Variants in FAM120B observed in about 807,000 individuals in gnomAD.
FAM120B encodes the protein constitutive coactivator of peroxisome proliferator-activated receptor gamma.
Under a neutral mutation model 96.3 loss-of-function variants are expected in FAM120B, and 83 were observed. The observed-to-expected ratio is 0.86, with a 90% CI of 0.72 to 1.03. The LOEUF (loss-of-function observed/expected upper bound fraction) is 1.03, where lower values mean the gene tolerates loss of function less well. Ranked by LOEUF, FAM120B falls within the 50% of genes least tolerant of loss-of-function variation. The pLI is 0.00. For missense variants in FAM120B, 1,027 were observed against 1,121.2 expected (o/e 0.92, Z 1.20); for synonymous variants, 407 against 402.7 (o/e 1.01, Z -0.13).
chr6:170,328,392 T>G (rs1785748061), intron 3 of FAM120B, among the ~76,000 whole-genome samples: 1 of 152,232 alleles, frequency 6.6e-6, no homozygotes, highest in Non-Finnish European at 1.5e-5. Flanking sequence ...AAATCATGGT[T>G]TATGCAGTAC....
At chr6:170,362,942 C>T (rs1303216678) in intron 6 of FAM120B, among the ~76,000 whole-genome samples, 1 of 152,086 alleles carries the variant, frequency 6.6e-6, no homozygotes, top group Non-Finnish European at 1.5e-5. Context: ...GCCTCAGCCT[C>T]CCAAAGTTCT....
At chr6:170,390,295 G>C (rs1790414825) in intron 7 of FAM120B, among the ~76,000 whole-genome samples, 1 of 152,162 alleles carries the variant, frequency 6.6e-6, no homozygotes, top group South Asian at 2.1e-4. Context: ...ATTTTATAGA[G>C]AGCAAAAGCA....
intron 6 of FAM120B, among the ~76,000 whole-genome samples, chr6:170,369,382 C>T (rs980981757): frequency 3.3e-5 from 5 of 152,152 alleles, no homozygotes; most frequent in African/African-American, 9.7e-5. Flanking sequence ...CAGCAGGGCC[C>T]CACTTTCACT....
chr6:170,315,485 T>C (rs1291266303), intron 1 of FAM120B, among the ~76,000 whole-genome samples: 1 of 152,176 alleles, frequency 6.6e-6, no homozygotes, highest in African/African-American at 2.4e-5. Context: ...ACCTTACAGT[T>C]GACGTAATCA....
chr6:170,318,218 C>T lies in FAM120B; in HGVS notation c.828C>T (p.Tyr276=). 1.9e-6 allele frequency: 3 copies of T among 1,613,796 alleles called. No individual in the cohort carries two copies. Among genetic ancestry groups the T allele is most frequent in the Non-Finnish European group, 2.5e-6 (3 of 1,179,940 alleles). Residue 276 remains tyrosine, a synonymous_variant, in exon 2 of 11, where the codon TAC becomes TAT. Transcript: ENST00000476287. ...AVSDHISKVL[Y]LYQGEKKLEE... ...CAGACCATATATCGAAAGTTCTTTACTTGTATCAAGGTGAGAAAAAATTAG... is the reference window on the plus strand; with the variant it reads ...CAGACCATATATCGAAAGTTCTTTATTTGTATCAAGGTGAGAAAAAATTAG...
chr6:170,301,206 T>A (rs191007127), intron 1 of FAM120B, among the ~76,000 whole-genome samples: 1 of 152,228 alleles, frequency 6.6e-6, no homozygotes, highest in Non-Finnish European at 1.5e-5. Context: ...TCTGTTCTTG[T>A]CTTTGGCGCA....
rs572820377 is a variant in FAM120B at position 170,388,265 on chromosome 6, G to C, written c.2284-22G>C. The C allele has an allele frequency of 1.9e-6, 3 of 1,609,262 alleles. No individual in the cohort carries two copies. The South Asian group carries it at 3.3e-5, about 18-fold the overall frequency. ...GTGTGACTCCTGTCTTACATTTTTG[G>C]TGTGTGTTCTGGTCTCCACAGCCTG... On this transcript the variant is annotated intron_variant, in intron 6 of 10. Coordinates refer to ENST00000476287, the MANE Select transcript of FAM120B (RefSeq NM_032448.3).
At chr6:170,325,137 T>A (rs910194469) in intron 3 of FAM120B, among the ~76,000 whole-genome samples, 3 of 152,234 alleles carry the variant, frequency 2.0e-5, no homozygotes, top group African/African-American at 7.2e-5. Context: ...CTGTTGTGAT[T>A]CTTAATGAAT....
chr6:170,345,511 C>T (rs1326928133), intron 4 of FAM120B, among the ~76,000 whole-genome samples: 3 of 152,244 alleles, frequency 2.0e-5, no homozygotes, highest in Non-Finnish European at 2.9e-5. Flanking sequence ...CTCCTGCAAG[C>T]TCTTCCAAGG....
chr6:170,300,218 C>G (rs112680179), intron 1 of FAM120B, among the ~76,000 whole-genome samples: 14 of 152,256 alleles, frequency 9.2e-5, no homozygotes, highest in African/African-American at 3.4e-4. Context: ...ACAATCATGG[C>G]AGAAGGGGAA....
intron 1 of FAM120B, among the ~76,000 whole-genome samples, chr6:170,296,408 C>T (rs1784009761): frequency 6.6e-6 from 1 of 152,056 alleles, no homozygotes; most frequent in South Asian, 2.1e-4. Context: ...GCACAGGCGG[C>T]GCGGCCGTGC....
intron 6 of FAM120B, among the ~76,000 whole-genome samples, chr6:170,385,834 AG>A (rs1052555715): frequency 1.4e-4 from 22 of 152,210 alleles, no homozygotes; most frequent in African/African-American, 5.3e-4. Flanking sequence ...AAAGACATGG[AG>A]GAAACTTAAA....
At chr6:170,319,779 T>TA (rs2115029856) in intron 2 of FAM120B, among the ~76,000 whole-genome samples, 1 of 152,334 alleles carries the variant, frequency 6.6e-6, no homozygotes, top group Admixed American at 6.5e-5. Context: ...GTGGAAGTAC[T>TA]AAAGGTGTAG....
intron 1 of FAM120B, among the ~76,000 whole-genome samples, chr6:170,301,365 G>A (rs999879023): frequency 6.6e-6 from 1 of 152,170 alleles, no homozygotes; most frequent in African/African-American, 2.4e-5. Flanking sequence ...ACACAGAAAG[G>A]GGGGGCCTGG....
rs536551688 is a variant in FAM120B at position 170,385,324 on chromosome 6, A to C, written c.2284-2963A>C. Among the ~76,000 whole-genome samples, 181 of 152,342 alleles carry C rather than the reference A, an allele frequency of 1.2e-3. 1 individual carries two copies. The highest frequency in any genetic ancestry group is 4.1e-3 in the African/African-American group (170 of 41,580). Reference sequence around the variant, plus strand: ...TAAAAAATGTGTGGGATGAAGCTGAAAGCTGTTCTGAGAAGGAAATTTGTA... The same window carrying C: ...TAAAAAATGTGTGGGATGAAGCTGACAGCTGTTCTGAGAAGGAAATTTGTA... On this transcript the variant is annotated intron_variant, in intron 6 of 10. Coordinates refer to ENST00000476287, the MANE Select transcript of FAM120B (RefSeq NM_032448.3).
intron 6 of FAM120B, among the ~76,000 whole-genome samples, chr6:170,360,897 G>A (rs980620291): frequency 6.6e-6 from 1 of 152,108 alleles, no homozygotes; most frequent in Admixed American, 6.5e-5. Context: ...TGTGAAAGGT[G>A]GAGATGTGGT....
Position 170,335,939 on chromosome 6 carries a change from G to C in FAM120B, c.2017+5389G>C, listed in dbSNP as rs185787014. Among the ~76,000 whole-genome samples, 788 of 152,180 alleles carry C rather than the reference G, an allele frequency of 5.2e-3. 4 individuals carry two copies. The highest frequency in any genetic ancestry group is 0.017 in the Middle Eastern group (5 of 294). ...GAAATTTAAGTTCCTTGTAGATTCT[G>C]GATATTAGCCCTTTGTCAGAAGGAT... is the stretch of plus-strand genomic sequence containing the variant. On this transcript the variant is annotated intron_variant, in intron 4 of 10. Coordinates refer to ENST00000476287, the MANE Select transcript of FAM120B (RefSeq NM_032448.3).
chr6:170,374,788 T>C (rs1416469714), intron 6 of FAM120B, among the ~76,000 whole-genome samples: 2 of 152,242 alleles, frequency 1.3e-5, no homozygotes, highest in Non-Finnish European at 2.9e-5. Context: ...GATGTCACTT[T>C]ACATTCCTAA....
chr6:170,303,303 A>G (rs1383374818), upstream of FAM120B, among the ~76,000 whole-genome samples: 1 of 152,166 alleles, frequency 6.6e-6, no homozygotes, highest in African/African-American at 2.4e-5. Flanking sequence ...GTGGTGGCAC[A>G]ATCCCAGCTC....
Sources: gnomAD v4.1 joint callset for allele counts (sites outside exome capture counted in the v4.1 genomes callset) on GRCh38, gnomAD v4.1.1 for gene constraint, MANE v1.5 for transcripts, NCBI Gene and HGNC (gene_info 2026-07-23, HGNC 2026-07-21) for gene names.